Variants in DCPH1 observed in about 807,000 individuals in gnomAD.
DCPH1 encodes the protein damage control phosphatase 1, also known as damage-control phosphatase 1.
At chr6:151,469,235 G>A in the DCPH1 span, 2 of 732,126 alleles carry the variant, frequency 2.7e-6, no homozygotes, top group South Asian at 2.2e-5. Context: ...TAGCTTCTTG[G>A]TGCCCATCTA....
chr6:151,452,931 A>C, the DCPH1 span: 1 of 245,410 alleles, frequency 4.1e-6, no homozygotes, highest in East Asian at 8.6e-5. Flanking sequence ...CGCTATTAAG[A>C]AACGGGTTTC....
chr6:151,464,640 CTGAG>C, the DCPH1 span: 11 of 1,546,262 alleles, frequency 7.1e-6, no homozygotes, highest in African/African-American at 1.4e-4. Flanking sequence ...CATTAATCTT[CTGAG>C]TATGTTTTAT....
chr6:151,456,181 C>G, the DCPH1 span, among the ~76,000 whole-genome samples: 1 of 152,228 alleles, frequency 6.6e-6, no homozygotes, highest in Admixed American at 6.5e-5. Flanking sequence ...TTGCTTTTCC[C>G]CACATGTTAT....
chr6:151,463,785 TTA>T, the DCPH1 span, among the ~76,000 whole-genome samples: 1 of 152,218 alleles, frequency 6.6e-6, no homozygotes, highest in Non-Finnish European at 1.5e-5. Context: ...GTAAAGATTA[TTA>T]TATTAGTATT....
At chr6:151,463,917 C>T in the DCPH1 span, among the ~76,000 whole-genome samples, 1 of 152,080 alleles carries the variant, frequency 6.6e-6, no homozygotes, top group South Asian at 2.1e-4. Context: ...CCCAAAAATA[C>T]CTAAAATTAG....
At chr6:151,453,281 C>G in the DCPH1 span, among the ~76,000 whole-genome samples, 1 of 152,106 alleles carries the variant, frequency 6.6e-6, no homozygotes, top group Non-Finnish European at 1.5e-5. Flanking sequence ...TGGCCTCACT[C>G]CAGTCCTGGC....
the DCPH1 span, among the ~76,000 whole-genome samples, chr6:151,456,280 T>C: frequency 5.3e-5 from 8 of 151,968 alleles, no homozygotes; most frequent in Non-Finnish European, 7.3e-5. Context: ...CAGTACATTT[T>C]TTTTGAGAGT....
chr6:151,458,638 G>T, the DCPH1 span: 2 of 1,400,740 alleles, frequency 1.4e-6, no homozygotes, highest in Non-Finnish European at 1.9e-6. Context: ...ATTGTAAAAG[G>T]ATAAGTTTAA....
At chr6:151,462,943 T>C in the DCPH1 span, among the ~76,000 whole-genome samples, 15 of 152,310 alleles carry the variant, frequency 9.8e-5, no homozygotes, top group African/African-American at 3.4e-4. Flanking sequence ...ATAGGGGCCA[T>C]GTGGTCTCTG....
At chr6:151,454,480 A>G in the DCPH1 span, 1 of 775,416 alleles carries the variant, frequency 1.3e-6, no homozygotes, top group East Asian at 2.5e-5. Context: ...TGTTCCAGAA[A>G]CTAAAAGATA....
chr6:151,466,790 A>G, the DCPH1 span, among the ~76,000 whole-genome samples: 2 of 152,186 alleles, frequency 1.3e-5, no homozygotes, highest in African/African-American at 2.4e-5. Flanking sequence ...GTGTGAAGGG[A>G]AAGTGCAGGA....
At chr6:151,461,958 A>G in the DCPH1 span, among the ~76,000 whole-genome samples, 2 of 152,210 alleles carry the variant, frequency 1.3e-5, no homozygotes, top group African/African-American at 4.8e-5. Flanking sequence ...TAATTCTTAA[A>G]TGTCTAATTT....
the DCPH1 span, among the ~76,000 whole-genome samples, chr6:151,468,148 G>C: frequency 6.6e-6 from 1 of 152,166 alleles, no homozygotes; most frequent in Non-Finnish European, 1.5e-5. Flanking sequence ...AAAAATTTCA[G>C]TTTTATCTTG....
the DCPH1 span, among the ~76,000 whole-genome samples, chr6:151,457,343 G>T: frequency 6.6e-6 from 1 of 152,196 alleles, no homozygotes; most frequent in African/African-American, 2.4e-5. Flanking sequence ...GAACAAAGTG[G>T]CAGTGACATC....
chr6:151,464,499 A>C, the DCPH1 span: 2 of 1,610,658 alleles, frequency 1.2e-6, no homozygotes, highest in Admixed American at 1.7e-5. Context: ...AAAAGAGCAA[A>C]ATTTCTATGG....
chr6:151,456,478 G>A, the DCPH1 span, among the ~76,000 whole-genome samples: 3 of 151,976 alleles, frequency 2.0e-5, no homozygotes, highest in Admixed American at 6.6e-5. Flanking sequence ...GCTAAAATCC[G>A]GCTTAATTTA....
the DCPH1 span, chr6:151,468,980 C>T: frequency 6.2e-7 from 1 of 1,614,170 alleles, no homozygotes; most frequent in Non-Finnish European, 8.5e-7. Context: ...CCACTCTGTA[C>T]CATAAGAACA....
At chr6:151,468,491 G>T in the DCPH1 span, 2 of 1,613,538 alleles carry the variant, frequency 1.2e-6, no homozygotes, top group Admixed American at 1.7e-5. Flanking sequence ...CTTAGCAATT[G>T]CAAGAAAACA....
At chr6:151,460,581 C>T in the DCPH1 span, among the ~76,000 whole-genome samples, 12,864 of 151,452 alleles carry the variant, frequency 0.085, 1,619 homozygotes, top group African/African-American at 0.28. Flanking sequence ...GTCAAGAGGT[C>T]GAGACCATCC....
Sources: gnomAD v4.1 joint callset for allele counts (sites outside exome capture counted in the v4.1 genomes callset) on GRCh38, gnomAD v4.1.1 for gene constraint, MANE v1.5 for transcripts, NCBI Gene and HGNC (gene_info 2026-07-23, HGNC 2026-07-21) for gene names.